RP1: variants seen among roughly 807,000 people sequenced by gnomAD.
RP1 encodes the protein RP1 axonemal microtubule associated.
RP1 carries 16 observed loss-of-function variants against 14.8 expected under a neutral mutation model. The ratio of observed to expected loss-of-function variants is 1.08; its 90% CI spans 0.73 to 1.65. The LOEUF is 1.65. Ranked by LOEUF, RP1 falls within the 40% of genes most tolerant of loss-of-function variation. RP1 has a pLI of 0.00. For missense variants in RP1, 2,631 were observed against 2,535.0 expected (o/e 1.04, Z -0.81); for synonymous variants, 876 against 883.6 (o/e 0.99, Z 0.15).
intron 23 of RP1, among the ~76,000 whole-genome samples, chr8:54,775,829 A>G (rs1810022563): frequency 6.6e-6 from 1 of 152,214 alleles, no homozygotes; most frequent in Non-Finnish European, 1.5e-5. Context: ...AAATATATTG[A>G]AGATCATGAA....
At chr8:54,766,041 A>G (rs1809752758) in intron 22 of RP1, among the ~76,000 whole-genome samples, 1 of 152,160 alleles carries the variant, frequency 6.6e-6, no homozygotes, top group Non-Finnish European at 1.5e-5. Flanking sequence ...GGTAAGGACG[A>G]TGGATGGAAA....
chr8:54,644,905 A>T (rs1806516417), intron 3 of RP1, among the ~76,000 whole-genome samples: 1 of 152,034 alleles, frequency 6.6e-6, no homozygotes, highest in Admixed American at 6.5e-5. Context: ...TGATTTGTAG[A>T]TGTATCATGC....
At chr8:54,688,478 T>A (rs1180516881) in intron 12 of RP1, among the ~76,000 whole-genome samples, 5 of 152,196 alleles carry the variant, frequency 3.3e-5, no homozygotes, top group Admixed American at 3.3e-4. Flanking sequence ...CCATCTCGAA[T>A]TAATTTTTGT....
chr8:54,562,638 C>A (rs751411772), intron 1 of RP1, among the ~76,000 whole-genome samples: 1 of 151,296 alleles, frequency 6.6e-6, no homozygotes, highest in Non-Finnish European at 1.5e-5. Flanking sequence ...GGTGCCATGG[C>A]ACTCTAGCCT....
At chr8:54,663,593 G>T in intron 6 of RP1, 1 of 1,126,774 alleles carries the variant, frequency 8.9e-7, no homozygotes, top group Middle Eastern at 2.1e-4. Context: ...GCATCCACTG[G>T]GGATCTTGGA....
Position 54,629,839 on chromosome 8 carries a change from G to T in RP1, c.5957G>T (p.Gly1986Val). Residue 1986 changes from glycine (G) to valine (V), a missense_variant, in exon 4 of 4, where the codon GGT (glycine) becomes GTT (valine). Gly to Val is a moderately radical substitution (Grantham distance 109). Transcript: ENST00000220676. ...CAAAATCTTATTGATAATGCCATTGGTGATATATTTGATCAGTTTTATTTC... is the reference window on the plus strand; with the variant it reads ...CAAAATCTTATTGATAATGCCATTGTTGATATATTTGATCAGTTTTATTTC... The part of the protein sequence containing the change: ...MRQNLIDNAI[G>V]DIFDQFYFSN... The T allele has an allele frequency of 6.2e-7, 1 of 1,613,504 alleles. No homozygotes were observed. The highest frequency in any genetic ancestry group is 8.5e-7 in the Non-Finnish European group (1 of 1,179,862).
intron 3 of RP1, among the ~76,000 whole-genome samples, chr8:54,642,051 G>T (rs552371959): frequency 6.6e-6 from 1 of 152,182 alleles, no homozygotes; most frequent in East Asian, 1.9e-4. Flanking sequence ...TTGCAGAAAT[G>T]GTTCAGTCTT....
At chr8:54,768,024 C>A (rs1809806298) in intron 22 of RP1, among the ~76,000 whole-genome samples, 1 of 152,214 alleles carries the variant, frequency 6.6e-6, no homozygotes, top group Non-Finnish European at 1.5e-5. Context: ...AGTGTGGTGA[C>A]GTCAGTCCTA....
chr8:54,649,886 G>C (rs1806622109), intron 4 of RP1, among the ~76,000 whole-genome samples: 1 of 152,134 alleles, frequency 6.6e-6, no homozygotes. Flanking sequence ...GAACCATTTG[G>C]AAACATTGTT....
At chr8:54,747,452 A>C (rs1308335213) in intron 19 of RP1, among the ~76,000 whole-genome samples, 2 of 152,244 alleles carry the variant, frequency 1.3e-5, no homozygotes, top group Non-Finnish European at 2.9e-5. Flanking sequence ...TCCGACTTCC[A>C]CTAGAAAGTG....
At chr8:54,650,055 G>A (rs1377530642) in intron 4 of RP1, among the ~76,000 whole-genome samples, 1 of 152,164 alleles carries the variant, frequency 6.6e-6, no homozygotes, top group Non-Finnish European at 1.5e-5. Flanking sequence ...CTATTTTAGT[G>A]TTTCATGTTT....
chr8:54,824,133 GTT>G (rs71254594), intron 24 of RP1, among the ~76,000 whole-genome samples: 47,718 of 149,210 alleles, frequency 0.32, 7,661 homozygotes, highest in South Asian at 0.38. Context: ...TTGTTTGTGT[GTT>G]TTTTTTTTAA....
chr8:54,614,208 A>G (rs1805660973), upstream of RP1, among the ~76,000 whole-genome samples: 1 of 152,214 alleles, frequency 6.6e-6, no homozygotes, highest in African/African-American at 2.4e-5. Context: ...TGGTATGCTG[A>G]GAATGTATGC....
At chr8:54,718,895 C>T (rs952285137) in intron 15 of RP1, among the ~76,000 whole-genome samples, 3 of 152,110 alleles carry the variant, frequency 2.0e-5, no homozygotes, top group African/African-American at 7.2e-5. Context: ...TACAGTTATT[C>T]TGTATGCCAT....
intron 1 of RP1, among the ~76,000 whole-genome samples, chr8:54,602,207 C>G (rs1805309183): frequency 6.6e-6 from 1 of 152,158 alleles, no homozygotes; most frequent in African/African-American, 2.4e-5. Flanking sequence ...CCACAACAGG[C>G]CCCAGTGTGT....
intron 17 of RP1, among the ~76,000 whole-genome samples, chr8:54,731,949 T>C (rs114319345): frequency 0.029 from 4,420 of 152,294 alleles, 122 homozygotes; most frequent in African/African-American, 0.065. Context: ...ATCTTTCTAA[T>C]ACTTAGCTCA....
At chr8:54,579,802 T>C (rs1288093864) in intron 1 of RP1, among the ~76,000 whole-genome samples, 1 of 152,194 alleles carries the variant, frequency 6.6e-6, no homozygotes, top group Admixed American at 6.5e-5. Flanking sequence ...CTAAGTTCCT[T>C]ATTCCTTCAA....
At chr8:54,803,075 C>A (rs995565928) in intron 24 of RP1, among the ~76,000 whole-genome samples, 26 of 152,100 alleles carry the variant, frequency 1.7e-4, no homozygotes, top group Non-Finnish European at 2.8e-4. Flanking sequence ...CAACATTTAC[C>A]CTTTTTGTGA....
chr8:54,752,782 G>A (rs1809408462), intron 19 of RP1, among the ~76,000 whole-genome samples: 1 of 152,166 alleles, frequency 6.6e-6, no homozygotes, highest in African/African-American at 2.4e-5. Context: ...AGGAAAACTG[G>A]AGGACCTGGA....
Sources: allele counts gnomAD v4.1 joint callset (sites outside exome capture counted in the v4.1 genomes callset), GRCh38; gene constraint gnomAD v4.1.1; transcripts MANE v1.5; gene names NCBI Gene and HGNC (gene_info 2026-07-23, HGNC 2026-07-21).